CCBE1: variants seen among roughly 807,000 people sequenced by gnomAD.
CCBE1 encodes collagen and calcium binding EGF domains 1.
Under a neutral mutation model 50.0 loss-of-function variants are expected in CCBE1, and 37 were observed. The ratio of observed to expected loss-of-function variants is 0.74; its 90% CI spans 0.57 to 0.97. CCBE1 has a LOEUF of 0.97. CCBE1 is among the 50% of genes least tolerant of loss of function. The pLI, the probability that CCBE1 is intolerant of heterozygous loss-of-function variation, is 0.00. For synonymous variants in CCBE1, 234 were observed against 203.7 expected (o/e 1.15, Z -1.27); for missense variants, 538 against 523.8 (o/e 1.03, Z -0.26).
intron 5 of CCBE1, among the ~76,000 whole-genome samples, chr18:59,456,855 G>C (rs1404390575): frequency 2.0e-5 from 3 of 152,192 alleles, no homozygotes; most frequent in African/African-American, 7.2e-5. Flanking sequence ...TGAGCTCTCA[G>C]ACTGTGCACC....
At chr18:59,513,065 G>A (rs1914202184) in intron 2 of CCBE1, among the ~76,000 whole-genome samples, 1 of 152,204 alleles carries the variant, frequency 6.6e-6, no homozygotes, top group Non-Finnish European at 1.5e-5. Flanking sequence ...TGTAATCCCA[G>A]CACTTTGGGA....
chr18:59,560,069 A>C (rs2052711696), intron 2 of CCBE1, among the ~76,000 whole-genome samples: 1 of 152,224 alleles, frequency 6.6e-6, no homozygotes, highest in African/African-American at 2.4e-5. Context: ...TTGCAGGTTT[A>C]GAAGCAGCAG....
chr18:59,601,280 T>C (rs2053429099), intron 2 of CCBE1, among the ~76,000 whole-genome samples: 1 of 151,928 alleles, frequency 6.6e-6, no homozygotes, highest in South Asian at 2.1e-4. Context: ...GTAGCTCCCA[T>C]AATCCCCACG....
chr18:59,442,283 G>A lies in CCBE1; in HGVS notation c.776-2467C>T, dbSNP rs560280332. 1.2e-3 allele frequency among the ~76,000 whole-genome samples: 178 copies of A among 152,186 alleles called. 1 individual carries two copies. The highest frequency in any genetic ancestry group is 2.5e-3 in the Admixed American group (38 of 15,294). ...TATAGTCTCAGTGCTGTGTCGATAC[G>A]GGCTTCTGAAAGTAAGAATTAACTG... On this transcript the variant is annotated intron_variant, in intron 7 of 10. Transcript: ENST00000439986.
chr18:59,596,788 T>C (rs1229432310), intron 2 of CCBE1, among the ~76,000 whole-genome samples: 3 of 152,182 alleles, frequency 2.0e-5, no homozygotes, highest in Admixed American at 6.5e-5. Flanking sequence ...GGGCCACAGG[T>C]GTGACTTCTG....
At chr18:59,601,442 T>G (rs2144560955) in intron 2 of CCBE1, among the ~76,000 whole-genome samples, 1 of 152,280 alleles carries the variant, frequency 6.6e-6, no homozygotes, top group East Asian at 1.9e-4. Context: ...ATGTAAGACG[T>G]GCCTTTGCTC....
At chr18:59,578,805 G>T (rs1568215888) in intron 2 of CCBE1, among the ~76,000 whole-genome samples, 1 of 152,182 alleles carries the variant, frequency 6.6e-6, no homozygotes. Flanking sequence ...TCAGGGCTGG[G>T]GGTGGCTAGG....
intron 2 of CCBE1, among the ~76,000 whole-genome samples, chr18:59,528,076 C>A (rs1380108650): frequency 1.3e-5 from 2 of 152,142 alleles, no homozygotes; most frequent in Admixed American, 1.3e-4. Flanking sequence ...GTATGTTTTC[C>A]AACTTGGCTC....
At chr18:59,667,301 G>A (rs572862773) in intron 2 of CCBE1, among the ~76,000 whole-genome samples, 1 of 152,266 alleles carries the variant, frequency 6.6e-6, no homozygotes. Flanking sequence ...TAAAGTTACA[G>A]GGTACATTTT....
intron 2 of CCBE1, among the ~76,000 whole-genome samples, chr18:59,646,033 C>CA (rs934707616): frequency 1.6e-3 from 210 of 128,964 alleles, no homozygotes; most frequent in Non-Finnish European, 2.1e-3. Flanking sequence ...GACTCTGTCT[C>CA]AAAAAAAAAG....
At chr18:59,689,475 T>C (rs2054701158) in intron 2 of CCBE1, among the ~76,000 whole-genome samples, 1 of 152,214 alleles carries the variant, frequency 6.6e-6, no homozygotes. Context: ...ACCTTAAAGC[T>C]AGAAAGATGC....
intron 2 of CCBE1, among the ~76,000 whole-genome samples, chr18:59,617,141 A>G (rs570347553): frequency 3.7e-4 from 56 of 152,344 alleles, no homozygotes; most frequent in African/African-American, 1.3e-3. Context: ...GTACAGTACA[A>G]AGAAGAGGGC....
rs932676443 is a variant in CCBE1, at chr18:59,543,923, T to C, written c.213-63685A>G. ...GACACTCGCAGTTCTGGGATTCTGT[T>C]TGTGTTTAAACGAGCATCACCACCT... On this transcript the variant is annotated intron_variant, in intron 2 of 10. Transcript: ENST00000439986. 2.0e-5 allele frequency among the ~76,000 whole-genome samples: 3 copies of C among 151,976 alleles called. No homozygotes were observed. The East Asian group carries it at 5.8e-4, about 29-fold the overall frequency.
chr18:59,546,305 C>G (rs187018795), intron 2 of CCBE1, among the ~76,000 whole-genome samples: 5 of 152,220 alleles, frequency 3.3e-5, no homozygotes, highest in Non-Finnish European at 5.9e-5. Flanking sequence ...GACTGTTACA[C>G]GGGGGCTTCC....
chr18:59,453,903 C>T (rs543575224), intron 6 of CCBE1, among the ~76,000 whole-genome samples: 3 of 152,220 alleles, frequency 2.0e-5, no homozygotes, highest in Non-Finnish European at 2.9e-5. Flanking sequence ...AGACCCATCC[C>T]GGGGCATTAC....
intron 2 of CCBE1, among the ~76,000 whole-genome samples, chr18:59,643,702 TC>T (rs2054019334): frequency 6.6e-6 from 1 of 151,958 alleles, no homozygotes; most frequent in African/African-American, 2.4e-5. Context: ...ACACCTGTAA[TC>T]CCAGCTACTC....
In CCBE1 at chr18:59,597,170, T is replaced by G. The variant is rs183642873; in HGVS notation, c.212+99459A>C. ...TCAGCTCTGCCACTTCCTAGCTGAA[T>G]GAACAGACAAGTTACACAATCCTTC... On this transcript the variant is annotated intron_variant, in intron 2 of 10. Transcript: ENST00000439986. 1.6e-3 allele frequency among the ~76,000 whole-genome samples: 242 copies of G among 152,342 alleles called. 2 individuals are homozygous for G. Among genetic ancestry groups the G allele is most frequent in the Non-Finnish European group, 2.3e-3 (158 of 68,036 alleles).
intron 4 of CCBE1, among the ~76,000 whole-genome samples, chr18:59,467,874 C>CG (rs1455006684): frequency 6.6e-6 from 1 of 151,722 alleles, no homozygotes; most frequent in African/African-American, 2.4e-5. Context: ...CTGGACGCTC[C>CG]CCGGCAGTAC....
chr18:59,479,849 G>T (rs1032816091), intron 3 of CCBE1, among the ~76,000 whole-genome samples: 1 of 152,234 alleles, frequency 6.6e-6, no homozygotes, highest in African/African-American at 2.4e-5. Flanking sequence ...GGTAAAGAAA[G>T]CAGGTAGAGA....
Sources: gnomAD v4.1 joint callset for allele counts (sites outside exome capture counted in the v4.1 genomes callset) on GRCh38, gnomAD v4.1.1 for gene constraint, MANE v1.5 for transcripts, NCBI Gene and HGNC (gene_info 2026-07-23, HGNC 2026-07-21) for gene names.